The following SENP7 variants were observed in gnomAD, a reference collection of about 807,000 sequenced individuals.
SENP7 encodes the protein SUMO specific peptidase 7, also known as sentrin-specific protease 7.
Under a neutral mutation model 141.2 loss-of-function variants are expected in SENP7, and 64 were observed. That is an observed-to-expected ratio of 0.45 (90% CI 0.37 to 0.56). SENP7 has a LOEUF of 0.56. Among genes scored for constraint, SENP7 ranks in the 20% least tolerant of loss-of-function variants. The pLI, the probability that SENP7 is intolerant of heterozygous loss-of-function variation, is 0.00. For missense variants in SENP7, 1,025 were observed against 1,212.2 expected (o/e 0.85, Z 2.29); for synonymous variants, 382 against 426.4 (o/e 0.90, Z 1.28).
intron 5 of SENP7, among the ~76,000 whole-genome samples, chr3:101,406,662 G>A (rs1265209961): frequency 2.0e-5 from 3 of 151,722 alleles, no homozygotes; most frequent in Non-Finnish European, 4.4e-5. Flanking sequence ...GAATAATTGA[G>A]GAAAGCTTCC....
At position 101,332,058 on chromosome 3, in the gene SENP7, C is replaced by T; in HGVS notation, c.2625G>A (p.Val875=). Residue 875 remains valine (V), a synonymous_variant, in exon 19 of 24, where the codon GTG becomes GTA. Coordinates refer to ENST00000394095, the MANE Select transcript of SENP7 (RefSeq NM_020654.5). ...ATACAGTTTGTGGAAAATCTTCATA[C>T]ACAGCTTCTTCTAACCATGGAAAAC... is the stretch of plus-strand genomic sequence containing the variant. ...VICFPWLEEA[V]YEDFPQTVSQ... 6.2e-7 allele frequency: 1 copy of T among 1,613,430 alleles called. No individual in the cohort carries two copies. Among genetic ancestry groups the T allele is most frequent in the South Asian group, 1.1e-5 (1 of 91,052 alleles).
At chr3:101,500,930 T>C (rs977542570) in intron 2 of SENP7, 140 bp downstream of exon 2, 1 of 583,106 alleles carries the variant, frequency 1.7e-6, no homozygotes, top group African/African-American at 2.0e-5. Context: ...TTCAGTTAAT[T>C]AGAATACACC....
At chr3:101,493,615 GAATT>G (rs928297065) in intron 3 of SENP7, among the ~76,000 whole-genome samples, 3 of 129,596 alleles carry the variant, frequency 2.3e-5, no homozygotes, top group African/African-American at 8.0e-5. Context: ...ACTTAAAACA[GAATT>G]TATTTTACAA....
intron 1 of SENP7, among the ~76,000 whole-genome samples, chr3:101,508,641 A>G (rs1480249362): frequency 1.3e-5 from 2 of 152,208 alleles, no homozygotes; most frequent in African/African-American, 2.4e-5. Context: ...TGTTCCTTAC[A>G]GCTTTAAGGA....
At chr3:101,463,152 C>T (rs916937712) in intron 3 of SENP7, among the ~76,000 whole-genome samples, 5 of 151,112 alleles carry the variant, frequency 3.3e-5, no homozygotes, top group Non-Finnish European at 4.4e-5. Flanking sequence ...GATCACTTGA[C>T]GTCAGAAGTT....
Position 101,375,956 on chromosome 3 carries a change from G to A in SENP7, c.678-3830C>T, listed in dbSNP as rs145259948. Among the ~76,000 whole-genome samples, 1,166 of 152,174 alleles carry A rather than the reference G, an allele frequency of 7.7e-3. 4 individuals carry two copies. The highest frequency in any genetic ancestry group is 0.044 in the Middle Eastern group (13 of 294). On this transcript the variant is annotated intron_variant, in intron 6 of 23. Transcript: ENST00000394095. ...AGAAAGTAGATTAGAGGCTACTAGG[G>A]GATTAGGAGAGGGGAGAATGGGGAA... is the stretch of plus-strand genomic sequence containing the variant.
chr3:101,456,709 C>A (rs1313289809), intron 4 of SENP7, among the ~76,000 whole-genome samples: 1 of 152,006 alleles, frequency 6.6e-6, no homozygotes, highest in Admixed American at 6.6e-5. Flanking sequence ...TGATTGTTAT[C>A]CCAAAGAACC....
chr3:101,478,974 CA>C (rs936683608), intron 3 of SENP7, among the ~76,000 whole-genome samples: 19 of 150,646 alleles, frequency 1.3e-4, no homozygotes, highest in African/African-American at 4.6e-4. Context: ...TCAACAGATG[CA>C]AAAAAAAATT....
intron 18 of SENP7, 81 bp from the exon 19 acceptor site, chr3:101,332,190 G>C (rs2059075649): frequency 3.7e-6 from 5 of 1,344,820 alleles, no homozygotes; most frequent in Middle Eastern, 1.9e-4. Flanking sequence ...ATCTGAGAAA[G>C]TGAGAATAAA....
At chr3:101,364,162 G>C (rs1210132457) in intron 10 of SENP7, among the ~76,000 whole-genome samples, 2 of 152,092 alleles carry the variant, frequency 1.3e-5, no homozygotes, top group Non-Finnish European at 2.9e-5. Context: ...AAGAGGTTGA[G>C]GCTGCAGTGA....
intron 1 of SENP7, among the ~76,000 whole-genome samples, chr3:101,508,925 A>G (rs761190896): frequency 7.9e-5 from 12 of 152,158 alleles, no homozygotes; most frequent in Admixed American, 2.0e-4. Context: ...CATTCCCAGT[A>G]CCATTTAAAA....
intron 12 of SENP7, among the ~76,000 whole-genome samples, chr3:101,348,741 C>G (rs1324316352): frequency 6.6e-6 from 1 of 151,882 alleles, no homozygotes; most frequent in Non-Finnish European, 1.5e-5. Context: ...CTTTCTCCCT[C>G]TTAGGGAGCT....
chr3:101,364,979 C>A lies in SENP7; in HGVS notation c.1331G>T (p.Ser444Ile). Reference sequence around the variant, plus strand: ...ATGTTCAACAGGTCCTTCTTCATCACTGGAAACAACAACTAAAACGGAAAA... The same window carrying A: ...ATGTTCAACAGGTCCTTCTTCATCAATGGAAACAACAACTAAAACGGAAAA... ...LISAEPIVVS[S>I]DEEGPVEHKS... is the part of the protein sequence containing the mutation. Residue 444 changes from serine to isoleucine, a missense_variant, in exon 10 of 24, where the codon AGT (serine) becomes ATT (isoleucine). By Grantham distance (142) the Ser-to-Ile change is moderately radical (BLOSUM62 -2). Coordinates refer to ENST00000394095, the MANE Select transcript of SENP7 (RefSeq NM_020654.5). 6.5e-7 allele frequency: 1 copy of A among 1,527,168 alleles called. No homozygotes were observed. The highest frequency in any genetic ancestry group is 2.2e-5 in the Admixed American group (1 of 46,472). The allele number at this position is 1,527,168 out of a possible 1,614,324, so 94.6% of individuals were successfully genotyped here. A position where few individuals can be genotyped will look rare whatever the true frequency, so the allele number is the denominator to read the frequency against.
intron 14 of SENP7, among the ~76,000 whole-genome samples, chr3:101,342,204 G>T (rs2059344596): frequency 6.6e-6 from 1 of 152,062 alleles, no homozygotes; most frequent in Non-Finnish European, 1.5e-5. Flanking sequence ...TAGAGATGAA[G>T]TCTTATACTT....
At chr3:101,429,386 T>C (rs150879819) in intron 4 of SENP7, among the ~76,000 whole-genome samples, 2 of 152,310 alleles carry the variant, frequency 1.3e-5, no homozygotes, top group African/African-American at 2.4e-5. Context: ...TGGTTTGTAG[T>C]TCTCCGTGAA....
intron 3 of SENP7, among the ~76,000 whole-genome samples, chr3:101,483,492 G>A (rs6780873): frequency 0.4 from 60,308 of 151,894 alleles, 12,497 homozygotes; most frequent in Admixed American, 0.54. Context: ...TGGGAAAAGG[G>A]TTGAAAAACT....
Position 101,399,063 on chromosome 3 carries a change from A to G in SENP7, c.483-8T>C, listed in dbSNP as rs2061056289. On this transcript the variant is annotated splice_region_variant and splice_polypyrimidine_tract_variant and intron_variant, in intron 5 of 23. Transcript: ENST00000394095. ...AATATAACTCTGGGTATCCTGTCAC[A>G]TAGAATAACAAACACTGTACTGTAC... is the stretch of plus-strand genomic sequence containing the variant. 6.3e-7 allele frequency: 1 copy of G among 1,599,984 alleles called. No homozygotes were observed. Among genetic ancestry groups the G allele is most frequent in the Non-Finnish European group, 8.5e-7 (1 of 1,170,934 alleles).
intron 6 of SENP7, among the ~76,000 whole-genome samples, chr3:101,381,363 A>G (rs4683896): frequency 6.6e-6 from 1 of 151,818 alleles, no homozygotes; most frequent in Non-Finnish European, 1.5e-5. Flanking sequence ...CATAGGCCTA[A>G]AGTAAAGATT....
chr3:101,434,322 CA>C (rs1195298900), intron 4 of SENP7, among the ~76,000 whole-genome samples: 2 of 147,806 alleles, frequency 1.4e-5, no homozygotes, highest in African/African-American at 2.5e-5. Context: ...ATGCATACAT[CA>C]AAAAAAAGAA....
Sources: gnomAD v4.1 joint callset for allele counts (sites outside exome capture counted in the v4.1 genomes callset) on GRCh38, gnomAD v4.1.1 for gene constraint, MANE v1.5 for transcripts, NCBI Gene and HGNC (gene_info 2026-07-23, HGNC 2026-07-21) for gene names.